Variants in COPA observed in about 807,000 individuals in gnomAD.
COPA encodes coatomer subunit alpha.
A neutral mutation model predicts 158.7 loss-of-function variants in COPA; 10 were observed. That is an observed-to-expected ratio of 0.06 (90% CI 0.04 to 0.11). The LOEUF (loss-of-function observed/expected upper bound fraction) is 0.11. Ranked by LOEUF, COPA falls within the 10% of genes least tolerant of loss-of-function variation. The pLI, the probability that COPA is intolerant of heterozygous loss-of-function variation, is 1.00. For synonymous variants in COPA, 462 were observed against 542.8 expected, an observed-to-expected ratio of 0.85 and a Z score of 2.07; for missense variants, 1,065 against 1,536.7, an observed-to-expected ratio of 0.69 and a Z score of 5.13.
intron 17 of COPA, among the ~76,000 whole-genome samples, chr1:160,304,050 C>T (rs1359431165): frequency 6.6e-6 from 1 of 151,864 alleles, no homozygotes; most frequent in Non-Finnish European, 1.5e-5. Flanking sequence ...GAGTTTCGCT[C>T]GTTGCCCAGG....
intron 12 of COPA, among the ~76,000 whole-genome samples, chr1:160,309,736 T>C (rs1409122711): frequency 7.2e-6 from 1 of 138,278 alleles, no homozygotes; most frequent in East Asian, 2.3e-4. Flanking sequence ...AATTAGAATG[T>C]CATTTCTTTT....
At chr1:160,295,326 G>A (rs1015895220) in intron 23 of COPA, among the ~76,000 whole-genome samples, 2 of 152,184 alleles carry the variant, frequency 1.3e-5, no homozygotes, top group Non-Finnish European at 2.9e-5. Flanking sequence ...GAGGTTAAGG[G>A]TGGAAGTGGT....
At chr1:160,342,381 G>A (rs1266624594) in intron 1 of COPA, among the ~76,000 whole-genome samples, 1 of 151,954 alleles carries the variant, frequency 6.6e-6, no homozygotes, top group Non-Finnish European at 1.5e-5. Flanking sequence ...AACGTTCTGA[G>A]GCTAATACTG....
chr1:160,323,586 C>G, intron 7 of COPA, 56 bp from the exon 8 acceptor site: 1 of 1,341,444 alleles, frequency 7.5e-7, no homozygotes, highest in Non-Finnish European at 1.0e-6. Flanking sequence ...TCAAAGCAAA[C>G]CAATGAATCA....
At chr1:160,327,490 C>T (rs1032686625) in intron 6 of COPA, among the ~76,000 whole-genome samples, 18 of 149,982 alleles carry the variant, frequency 1.2e-4, no homozygotes, top group Non-Finnish European at 3.0e-5. Context: ...GGGCGCAGCG[C>T]GGAGGTTGCA....
intron 1 of COPA, among the ~76,000 whole-genome samples, chr1:160,342,505 A>G (rs1262535477): frequency 2.6e-5 from 4 of 152,206 alleles, no homozygotes; most frequent in Non-Finnish European, 5.9e-5. Flanking sequence ...CTGGTAAGCA[A>G]CGACAGACTA....
At chr1:160,302,749 T>C (rs1658654816) in intron 17 of COPA, among the ~76,000 whole-genome samples, 1 of 150,712 alleles carries the variant, frequency 6.6e-6, no homozygotes, top group Non-Finnish European at 1.5e-5. Context: ...AGAGATGGGG[T>C]TTCACCGTGT....
intron 21 of COPA, among the ~76,000 whole-genome samples, chr1:160,296,696 G>C (rs1030528889): frequency 1.3e-5 from 2 of 152,116 alleles, no homozygotes; most frequent in Non-Finnish European, 2.9e-5. Context: ...CTAAATTTGG[G>C]GATAATTTGT....
At chr1:160,308,219 A>T (rs1438560555) in intron 13 of COPA, among the ~76,000 whole-genome samples, 2 of 151,876 alleles carry the variant, frequency 1.3e-5, no homozygotes, top group Non-Finnish European at 2.9e-5. Context: ...GTACCAAACC[A>T]TAAGATTTAG....
chr1:160,292,362 A>G, intron 28 of COPA, 122 bp downstream of exon 28: 1 of 1,578,176 alleles, frequency 6.3e-7, no homozygotes, highest in Non-Finnish European at 8.6e-7. Flanking sequence ...GTAACAAACC[A>G]AAGATCTTTT....
intron 3 of COPA, among the ~76,000 whole-genome samples, chr1:160,336,094 C>T (rs776941779): frequency 1.3e-5 from 2 of 148,694 alleles, no homozygotes; most frequent in Non-Finnish European, 1.5e-5. Flanking sequence ...ACCTGTAATC[C>T]CAGCACTTTG....
chr1:160,307,675 G>A (rs1327196050), intron 13 of COPA, among the ~76,000 whole-genome samples: 3 of 152,198 alleles, frequency 2.0e-5, no homozygotes, highest in Non-Finnish European at 2.9e-5. Flanking sequence ...AGTAGGGCAG[G>A]GTGAGGCAGA....
intron 17 of COPA, 107 bp from the exon 18 acceptor site, chr1:160,299,371 T>G: frequency 9.3e-7 from 1 of 1,074,184 alleles, no homozygotes; most frequent in Non-Finnish European, 1.3e-6. Flanking sequence ...ATTTGAACAA[T>G]GATATAGATG....
intron 8 of COPA, among the ~76,000 whole-genome samples, chr1:160,317,897 CTCAGTCCCCT>C (rs1237975059): frequency 6.6e-6 from 1 of 152,062 alleles, no homozygotes; most frequent in Non-Finnish European, 1.5e-5. Context: ...GTGATCAAGC[CTCAGTCCCCT>C]TCATATTACC....
Position 160,307,385 on chromosome 1 carries a change from T to C in COPA, c.1220-140A>G. 1.1e-5 allele frequency: 8 copies of C among 754,336 alleles called. 1 individual carries two copies. In the South Asian group the frequency reaches 1.2e-4, roughly 11 times the overall value. The allele number at this position is 754,336 out of a possible 1,614,324, so 46.7% of individuals were successfully genotyped here. On this transcript the variant is annotated intron_variant, in intron 13 of 32. Coordinates refer to ENST00000241704, the MANE Select transcript of COPA (RefSeq NM_004371.4). ...AGCTGCTTCCTAACTAATTCAGCCATAACCTGGGGCTATTATTGAGTGACT... is the reference window on the plus strand; with the variant it reads ...AGCTGCTTCCTAACTAATTCAGCCACAACCTGGGGCTATTATTGAGTGACT...
intron 10 of COPA, among the ~76,000 whole-genome samples, 191 bp downstream of exon 10, chr1:160,312,894 T>G (rs900287705): frequency 1.3e-5 from 2 of 152,224 alleles, no homozygotes; most frequent in African/African-American, 2.4e-5. Flanking sequence ...AAAGCATTTT[T>G]CACCACACAT....
chr1:160,340,443 G>T (rs915426682), intron 1 of COPA, 149 bp from the exon 2 acceptor site: 4 of 604,968 alleles, frequency 6.6e-6, no homozygotes, highest in Middle Eastern at 2.7e-4. Flanking sequence ...GCCAGACATC[G>T]TGAATTTTAT....
At chr1:160,300,245 C>A (rs1027179556) in intron 17 of COPA, among the ~76,000 whole-genome samples, 1 of 151,906 alleles carries the variant, frequency 6.6e-6, no homozygotes, top group Non-Finnish European at 1.5e-5. Flanking sequence ...AAGGCTGAGG[C>A]AGGAGAGTCA....
intron 7 of COPA, among the ~76,000 whole-genome samples, chr1:160,324,457 ATTTT>A (rs36119799): frequency 4.2e-4 from 55 of 131,882 alleles, no homozygotes; most frequent in South Asian, 1.9e-3. Context: ...CGCCCAGCTA[ATTTT>A]TTTTTTTTTT....
Sources: gnomAD v4.1 joint callset for allele counts (sites outside exome capture counted in the v4.1 genomes callset) on GRCh38, gnomAD v4.1.1 for gene constraint, MANE v1.5 for transcripts, NCBI Gene and HGNC (gene_info 2026-07-23, HGNC 2026-07-21) for gene names.